GRIK2: variants seen among roughly 807,000 people sequenced by gnomAD.
GRIK2 encodes the protein glutamate receptor ionotropic, kainate 2.
In GRIK2, 32 loss-of-function variants were observed where a neutral mutation model predicts 100.3. The ratio of observed to expected loss-of-function variants is 0.32; its 90% CI spans 0.24 to 0.43. The LOEUF (loss-of-function observed/expected upper bound fraction) is 0.43. GRIK2 is among the 20% of genes least tolerant of loss of function. The pLI, the probability that GRIK2 is intolerant of heterozygous loss-of-function variation, is 1.00. For missense variants in GRIK2, 843 were observed against 1,114.9 expected, an observed-to-expected ratio of 0.76 and a Z score of 3.47; for synonymous variants, 417 against 389.4, an observed-to-expected ratio of 1.07 and a Z score of -0.83.
At chr6:101,856,721 C>T (rs1202717686) in intron 10 of GRIK2, among the ~76,000 whole-genome samples, 8 of 151,816 alleles carry the variant, frequency 5.3e-5, no homozygotes, top group Non-Finnish European at 1.2e-4. Context: ...AGAGCACAGG[C>T]GTGGGTGTGA....
chr6:101,928,597 G>A lies in GRIK2; in HGVS notation c.2050G>A (p.Ala684Thr). The A allele has an allele frequency of 6.3e-7, 1 of 1,599,746 alleles. No individual in the cohort carries two copies. Residue 684 changes from alanine to threonine, a missense_variant, in exon 14 of 17, where the codon GCA (alanine) becomes ACA (threonine). Around this residue, in one of 3 missense-constraint regions of GRIK2, gnomAD observed 237 missense variants for 388.0 expected, o/e 0.61. Transcript: ENST00000369134. ...TAAACAAACCAAGATAGAATATGGA[G>A]CAGTAGAGGATGGTGCAACCATGAC... is the stretch of plus-strand genomic sequence containing the variant. ...LAKQTKIEYG[A>T]VEDGATMTFF...
At chr6:101,852,337 G>A (rs1784182119) in intron 10 of GRIK2, among the ~76,000 whole-genome samples, 1 of 151,862 alleles carries the variant, frequency 6.6e-6, no homozygotes, top group Non-Finnish European at 1.5e-5. Context: ...ACTCTGCAAG[G>A]GAATATGATA....
chr6:101,659,194 G>A (rs1475932856), intron 4 of GRIK2, among the ~76,000 whole-genome samples: 4 of 152,142 alleles, frequency 2.6e-5, no homozygotes, highest in African/African-American at 9.7e-5. Flanking sequence ...TTTGTATAAA[G>A]AATAAGGAAG....
At chr6:101,787,936 C>A (rs186539447) in intron 7 of GRIK2, among the ~76,000 whole-genome samples, 1 of 152,038 alleles carries the variant, frequency 6.6e-6, no homozygotes, top group Non-Finnish European at 1.5e-5. Flanking sequence ...CTGTCTGTCT[C>A]TTTAGATCAA....
chr6:101,483,133 TTC>T (rs1215736918), intron 2 of GRIK2, among the ~76,000 whole-genome samples: 1 of 152,184 alleles, frequency 6.6e-6, no homozygotes, highest in Admixed American at 6.5e-5. Context: ...TCAGATATCT[TTC>T]TAAAGCAGTG....
intron 15 of GRIK2, among the ~76,000 whole-genome samples, chr6:102,042,190 A>G (rs796844402): frequency 1.6e-4 from 24 of 151,788 alleles, no homozygotes; most frequent in African/African-American, 5.5e-4. Context: ...GAGAAGTATC[A>G]TCTCTAAAGA....
intron 10 of GRIK2, among the ~76,000 whole-genome samples, chr6:101,831,256 T>C (rs1375949551): frequency 6.6e-6 from 1 of 152,096 alleles, no homozygotes; most frequent in Non-Finnish European, 1.5e-5. Flanking sequence ...ATAAAACATA[T>C]ATGAGCCCAT....
chr6:101,915,171 T>G (rs1409497211), intron 12 of GRIK2, among the ~76,000 whole-genome samples: 1 of 151,444 alleles, frequency 6.6e-6, no homozygotes, highest in African/African-American at 2.4e-5. Context: ...AATTACTTTT[T>G]AAGTAATATG....
rs145848394 is a variant in GRIK2, at chr6:101,465,697, C to G, written c.115+66305C>G. Among the ~76,000 whole-genome samples the G allele has an allele frequency of 1.1e-4, 16 of 152,290 alleles. No individual in the cohort carries two copies. In the East Asian group the frequency reaches 2.5e-3, roughly 24 times the overall value. Reference sequence around the variant, plus strand: ...TTAAAAGGCCCAGGTACCACACTGACAAGACTCTCCTAAAACCTTTGCAGT... The same window carrying G: ...TTAAAAGGCCCAGGTACCACACTGAGAAGACTCTCCTAAAACCTTTGCAGT... On this transcript the variant is annotated intron_variant, in intron 2 of 16. Coordinates refer to ENST00000369134, the MANE Select transcript of GRIK2 (RefSeq NM_021956.5).
At chr6:101,904,172 AT>A (rs10709331) in intron 12 of GRIK2, among the ~76,000 whole-genome samples, 142,594 of 151,132 alleles carry the variant, frequency 0.94, 67,290 homozygotes, top group Middle Eastern at 0.97. Context: ...GTTCACTTCA[AT>A]TTTTTTATCT....
chr6:101,803,536 C>T (rs572105412), intron 9 of GRIK2, among the ~76,000 whole-genome samples: 2 of 151,714 alleles, frequency 1.3e-5, no homozygotes, highest in Non-Finnish European at 1.5e-5. Context: ...TGAGACAGTC[C>T]CTTCCTAACT....
chr6:101,500,964 A>G (rs1322361169), intron 2 of GRIK2, among the ~76,000 whole-genome samples: 5 of 152,132 alleles, frequency 3.3e-5, no homozygotes, highest in Non-Finnish European at 5.9e-5. Flanking sequence ...TATTAACAGT[A>G]CTTCAAAAAT....
intron 5 of GRIK2, 82 bp downstream of exon 5, chr6:101,676,886 T>C: frequency 1.3e-6 from 1 of 777,332 alleles, no homozygotes; most frequent in South Asian, 1.9e-5. Context: ...CAAAATATTA[T>C]TGTTATGCAA....
At chr6:102,029,609 T>G (rs1342312138) in intron 14 of GRIK2, among the ~76,000 whole-genome samples, 1 of 151,246 alleles carries the variant, frequency 6.6e-6, no homozygotes, top group Non-Finnish European at 1.5e-5. Context: ...TAAGTCTTCT[T>G]ATTTTCCCCT....
intron 2 of GRIK2, among the ~76,000 whole-genome samples, chr6:101,496,338 T>C (rs918001382): frequency 6.6e-6 from 1 of 152,102 alleles, no homozygotes; most frequent in African/African-American, 2.4e-5. Context: ...TTAGGAGCAG[T>C]GATGTGACAT....
intron 7 of GRIK2, among the ~76,000 whole-genome samples, chr6:101,790,465 CAT>C (rs1160695541): frequency 9.9e-5 from 15 of 151,242 alleles, no homozygotes; most frequent in Non-Finnish European, 1.9e-4. Flanking sequence ...TTGAGATAAT[CAT>C]GTGGTTTTTG....
intron 14 of GRIK2, among the ~76,000 whole-genome samples, chr6:101,946,891 C>T (rs1204170668): frequency 6.6e-6 from 1 of 152,004 alleles, no homozygotes; most frequent in Non-Finnish European, 1.5e-5. Flanking sequence ...GAGCAAGGTA[C>T]CCACTGAAGT....
At chr6:101,716,365 T>C (rs1366298821) in intron 7 of GRIK2, among the ~76,000 whole-genome samples, 1 of 151,606 alleles carries the variant, frequency 6.6e-6, no homozygotes, top group African/African-American at 2.4e-5. Flanking sequence ...AAAATAGTAA[T>C]TGTAAATACT....
At chr6:101,877,328 T>G (rs1288727745) in intron 11 of GRIK2, among the ~76,000 whole-genome samples, 1 of 151,996 alleles carries the variant, frequency 6.6e-6, no homozygotes, top group South Asian at 2.1e-4. Context: ...GTGTCTGTAC[T>G]GAACATGCAG....
Sources: allele counts gnomAD v4.1 joint callset (sites outside exome capture counted in the v4.1 genomes callset), GRCh38; gene constraint gnomAD v4.1.1; regional missense constraint gnomAD v4.1.1; transcripts MANE v1.5; gene names NCBI Gene and HGNC (gene_info 2026-07-23, HGNC 2026-07-21).